Variants in FAM81A observed in about 807,000 individuals in gnomAD.
FAM81A encodes the protein protein FAM81A.
Under a neutral mutation model 46.7 loss-of-function variants are expected in FAM81A, and 19 were observed. The observed-to-expected ratio is 0.41, with a 90% CI of 0.28 to 0.60. The LOEUF (loss-of-function observed/expected upper bound fraction) is 0.60, where lower values mean the gene tolerates loss of function less well. FAM81A is among the 20% of genes least tolerant of loss of function. The probability of loss-of-function intolerance (pLI) is 0.34; values close to 1 mark genes in which losing one functional copy is unlikely to be tolerated. For synonymous variants in FAM81A, 183 were observed against 152.9 expected (o/e 1.20, Z -1.45); for missense variants, 377 against 453.5 (o/e 0.83, Z 1.53).
upstream of FAM81A, among the ~76,000 whole-genome samples, chr15:59,433,918 C>T (rs567476900): frequency 9.5e-4 from 145 of 152,182 alleles, 2 homozygotes; most frequent in Non-Finnish European, 2.8e-4. Flanking sequence ...TACAGTGGCG[C>T]GATCTAGGCT....
At chr15:59,439,115 TGTGTGTGTGTGC>T (rs1249744180) in intron 1 of FAM81A, 3 of 151,350 alleles carry the variant, frequency 2.0e-5, no homozygotes, top group African/African-American at 7.3e-5. Flanking sequence ...TGTGCGCGCG[TGTGTGTGTGTGC>T]GTGTGTGCGC....
intron 3 of FAM81A, among the ~76,000 whole-genome samples, chr15:59,483,782 C>G (rs1297728412): frequency 2.0e-5 from 3 of 152,154 alleles, no homozygotes; most frequent in African/African-American, 7.2e-5. Flanking sequence ...TTGGGATAGG[C>G]AGGCAGGAAA....
chr15:59,431,608 T>A (rs1377445180), intron 2 of FAM81A, among the ~76,000 whole-genome samples: 1 of 151,284 alleles, frequency 6.6e-6, no homozygotes, highest in Non-Finnish European at 1.5e-5. Flanking sequence ...TAAGTGATCC[T>A]CTGGCCTCAA....
intron 3 of FAM81A, among the ~76,000 whole-genome samples, chr15:59,490,031 G>T (rs1237504263): frequency 6.6e-6 from 1 of 151,116 alleles, no homozygotes; most frequent in Non-Finnish European, 1.5e-5. Flanking sequence ...TTATCTCACA[G>T]AAATAATCTG....
intron 2 of FAM81A, among the ~76,000 whole-genome samples, chr15:59,426,539 G>C (rs1383565823): frequency 6.6e-6 from 1 of 152,214 alleles, no homozygotes; most frequent in Non-Finnish European, 1.5e-5. Flanking sequence ...TTGAACCCAG[G>C]AGGCAGAGGT....
At chr15:59,440,584 CT>C (rs1293476454) in intron 1 of FAM81A, among the ~76,000 whole-genome samples, 1 of 152,234 alleles carries the variant, frequency 6.6e-6, no homozygotes, top group Non-Finnish European at 1.5e-5. Context: ...TCAGTTTCCA[CT>C]TTGCTTCAAC....
chr15:59,431,311 TG>T (rs1474358246), intron 2 of FAM81A, among the ~76,000 whole-genome samples: 2 of 152,154 alleles, frequency 1.3e-5, no homozygotes, highest in Non-Finnish European at 2.9e-5. Flanking sequence ...CTCAGTTCAC[TG>T]CAACCTCTGC....
intron 4 of FAM81A, among the ~76,000 whole-genome samples, chr15:59,498,873 T>G (rs2082061575): frequency 6.6e-6 from 1 of 152,228 alleles, no homozygotes; most frequent in East Asian, 1.9e-4. Context: ...CAGGCTGGTC[T>G]CGAACTCCTG....
chr15:59,423,096 T>A (rs1038045425), intron 2 of FAM81A, among the ~76,000 whole-genome samples: 2 of 152,130 alleles, frequency 1.3e-5, no homozygotes, highest in Non-Finnish European at 2.9e-5. Context: ...TTATTTTTTA[T>A]TTTTTAATTT....
intron 1 of FAM81A, among the ~76,000 whole-genome samples, chr15:59,400,852 G>A (rs1273264241): frequency 6.6e-6 from 1 of 152,104 alleles, no homozygotes; most frequent in Non-Finnish European, 1.5e-5. Flanking sequence ...ACACATGTTG[G>A]TTTATAATTT....
intron 3 of FAM81A, among the ~76,000 whole-genome samples, chr15:59,485,364 G>GT (rs1272344948): frequency 1.3e-5 from 2 of 152,216 alleles, no homozygotes; most frequent in Admixed American, 1.3e-4. Flanking sequence ...ATGGTGGTGG[G>GT]TACAGAGGTG....
intron 4 of FAM81A, among the ~76,000 whole-genome samples, chr15:59,499,370 T>C (rs2082066861): frequency 6.6e-6 from 1 of 152,240 alleles, no homozygotes; most frequent in South Asian, 2.1e-4. Context: ...ATGTACATTG[T>C]TCTATGTATG....
intron 3 of FAM81A, among the ~76,000 whole-genome samples, chr15:59,481,817 A>G (rs1394929425): frequency 6.6e-6 from 1 of 151,662 alleles, no homozygotes; most frequent in Admixed American, 6.6e-5. Flanking sequence ...TTGTATTGGG[A>G]AGGGCCAGCT....
intron 1 of FAM81A, chr15:59,401,734 A>G (rs1340166157): frequency 1.9e-5 from 15 of 771,786 alleles, no homozygotes; most frequent in Non-Finnish European, 2.9e-5. Context: ...TGTCCAGCAG[A>G]TAGGCAGGTA....
intron 1 of FAM81A, among the ~76,000 whole-genome samples, chr15:59,446,172 G>A (rs1156824290): frequency 5.9e-5 from 9 of 152,164 alleles, no homozygotes; most frequent in African/African-American, 2.2e-4. Context: ...TGTGGTTTCC[G>A]CTGCCCTACG....
rs749026353 is a variant in FAM81A, at chr15:59,460,305, T to A, written c.294+99T>A. 1 of 1,474,858 alleles carries A rather than the reference T, an allele frequency of 6.8e-7. No homozygotes were observed. Among genetic ancestry groups the A allele is most frequent in the Non-Finnish European group, 9.5e-7 (1 of 1,057,246 alleles). 91.4% of individuals were successfully genotyped at this position (1,474,858 alleles called of 1,614,324 possible). Reference sequence around the variant, plus strand: ...CTAACTCCTACCTCCCAGGCAGTACTGCATTTAGAACAAAGCTGTCTGTCT... The same window carrying A: ...CTAACTCCTACCTCCCAGGCAGTACAGCATTTAGAACAAAGCTGTCTGTCT... On this transcript the variant is annotated intron_variant, in intron 3 of 8. Transcript: ENST00000288228. This position sits in a 1 kb window ranked among gnomAD's most constrained non-coding sequence, Gnocchi z 4.4.
At chr15:59,434,271 A>G (rs1342944313), upstream of FAM81A, among the ~76,000 whole-genome samples, 1 of 152,240 alleles carries the variant, frequency 6.6e-6, no homozygotes, top group Non-Finnish European at 1.5e-5. Context: ...CTGCAGCCCT[A>G]CAACTGTATA....
chr15:59,487,242 T>C (rs374484332), intron 3 of FAM81A, among the ~76,000 whole-genome samples: 1 of 145,712 alleles, frequency 6.9e-6, no homozygotes, highest in East Asian at 1.9e-4. Flanking sequence ...ATATTATATA[T>C]ATATTAGTAT....
At chr15:59,514,915 G>GAGCT (rs1567078710) in intron 7 of FAM81A, among the ~76,000 whole-genome samples, 1 of 152,052 alleles carries the variant, frequency 6.6e-6, no homozygotes, top group African/African-American at 2.4e-5. Flanking sequence ...GTCTCTCACA[G>GAGCT]AGCTAAGGTT....
Sources: allele counts gnomAD v4.1 joint callset (sites outside exome capture counted in the v4.1 genomes callset), GRCh38; gene constraint gnomAD v4.1.1; non-coding constraint Gnocchi (gnomAD v3.1); transcripts MANE v1.5; gene names NCBI Gene and HGNC (gene_info 2026-07-23, HGNC 2026-07-21).